KIAA1549: variants seen among roughly 807,000 people sequenced by gnomAD.
KIAA1549 encodes KIAA1549.
KIAA1549 carries 70 observed loss-of-function variants against 156.4 expected under a neutral mutation model. The observed-to-expected ratio is 0.45, with a 90% CI of 0.37 to 0.55. KIAA1549 has a LOEUF of 0.55. Ranked by LOEUF, KIAA1549 falls within the 20% of genes least tolerant of loss-of-function variation. The pLI, the probability that KIAA1549 is intolerant of heterozygous loss-of-function variation, is 0.00. For synonymous variants in KIAA1549, 1,103 were observed against 1,066.4 expected (o/e 1.03, Z -0.67); for missense variants, 2,428 against 2,540.9 (o/e 0.96, Z 0.96).
chr7:138,946,691 A>G (rs1813347248), intron 1 of KIAA1549, among the ~76,000 whole-genome samples: 1 of 152,064 alleles, frequency 6.6e-6, no homozygotes, highest in African/African-American at 2.4e-5. Flanking sequence ...AGGTGGGAGG[A>G]TCACTTGAAC....
At chr7:138,856,907 T>C (rs1321323515) in intron 16 of KIAA1549, among the ~76,000 whole-genome samples, 1 of 152,090 alleles carries the variant, frequency 6.6e-6, no homozygotes, top group Non-Finnish European at 1.5e-5. Context: ...CTCCCCAATA[T>C]GGGCAGGCAT....
intron 1 of KIAA1549, among the ~76,000 whole-genome samples, chr7:138,980,153 C>G (rs1164039270): frequency 2.0e-5 from 3 of 152,194 alleles, no homozygotes; most frequent in African/African-American, 7.2e-5. Flanking sequence ...TGTGCAGCAG[C>G]TCTCCACCCC....
chr7:138,878,387 A>C (rs948241861), intron 12 of KIAA1549, among the ~76,000 whole-genome samples: 18 of 152,392 alleles, frequency 1.2e-4, no homozygotes, highest in Middle Eastern at 3.4e-3. Flanking sequence ...GTTCATTTCT[A>C]GAATACAGTT....
rs571765694 is a variant in KIAA1549, at chr7:138,974,495, C to T, written c.187+6588G>A. The stretch of plus-strand genomic sequence containing the variant: ...TTGCCCAGACTGCAGTGCAGTGGCG[C>T]GATCTCAGCTCACCGCAACCTTTGC... On this transcript the variant is annotated intron_variant, in intron 1 of 19. Coordinates refer to ENST00000422774, the MANE Select transcript of KIAA1549 (RefSeq NM_001164665.2). Among the ~76,000 whole-genome samples the T allele has an allele frequency of 5.9e-5, 9 of 152,214 alleles. No homozygotes were observed. In the South Asian group the frequency reaches 1.2e-3, roughly 21 times the overall value.
At position 138,832,190 on chromosome 7, in the gene KIAA1549, C is replaced by CTTTTTTTTTTTTTTTTTTTTTTTT. The variant is rs1563039449; in HGVS notation, c.*5715_*5716insAAAAAAAAAAAAAAAAAAAAAAAA. On this transcript the variant is annotated 3_prime_UTR_variant, in exon 20 of 20. Transcript: ENST00000422774. ...TTCACCTCTGTCCCTTTTACCTATTCCTTTTTTTTTTTTTTTTTTTTCCAG... is the reference window on the plus strand; with the variant it reads ...TTCACCTCTGTCCCTTTTACCTATTCTTTTTTTTTTTTTTTTTTTTTTTTCTTTTTTTTTTTTTTTTTTTTCCAG... 1.8e-3 allele frequency: 308 copies of CTTTTTTTTTTTTTTTTTTTTTTTT among 169,944 alleles called. 21 individuals carry two copies. Among genetic ancestry groups the CTTTTTTTTTTTTTTTTTTTTTTTT allele is most frequent in the South Asian group, 4.3e-3 (18 of 4,150 alleles). 10.5% of individuals were successfully genotyped at this position (169,944 alleles called of 1,614,324 possible). A position where few individuals can be genotyped will look rare whatever the true frequency, so the allele number is the denominator to read the frequency against.
chr7:138,918,818 CA>C lies in KIAA1549; in HGVS notation c.807del (p.Ile269MetfsTer5). On this transcript the variant is annotated frameshift_variant, in exon 2 of 20. Coordinates refer to ENST00000422774, the MANE Select transcript of KIAA1549 (RefSeq NM_001164665.2). LOFTEE classifies it high-confidence loss of function. The surrounding 1 kb of genome is among the most constrained non-coding windows in gnomAD (Gnocchi z 4.2). Reference sequence around the variant, plus strand: ...TCCACACCCTCTGTTAGGGAAGCCACAATCTCTGGCAGAGTCCTGCTTGATA... The same window carrying C: ...TCCACACCCTCTGTTAGGGAAGCCACATCTCTGGCAGAGTCCTGCTTGATA... ...SHLSSRTLPE[I>X]VASLTEGVET... 3 of 1,614,020 alleles carry C rather than the reference CA, an allele frequency of 1.9e-6. No homozygotes were observed. Among genetic ancestry groups the C allele is most frequent in the Non-Finnish European group, 2.5e-6 (3 of 1,179,904 alleles).
At chr7:138,970,480 C>T (rs1432975903) in intron 1 of KIAA1549, among the ~76,000 whole-genome samples, 1 of 152,200 alleles carries the variant, frequency 6.6e-6, no homozygotes, top group Non-Finnish European at 1.5e-5. Context: ...TTTTTATGCG[C>T]TATGGACTCT....
intron 1 of KIAA1549, among the ~76,000 whole-genome samples, chr7:138,977,980 G>A (rs142758699): frequency 5.6e-4 from 85 of 152,276 alleles, no homozygotes; most frequent in African/African-American, 1.9e-3. Context: ...GATTACAGGC[G>A]TGAGCCAGCG....
chr7:138,955,291 G>C (rs1813628466), intron 1 of KIAA1549, among the ~76,000 whole-genome samples: 1 of 152,146 alleles, frequency 6.6e-6, no homozygotes, highest in African/African-American at 2.4e-5. Context: ...ACACACAATG[G>C]AATATCACTC....
At chr7:138,909,991 T>C (rs945541342) in intron 4 of KIAA1549, among the ~76,000 whole-genome samples, 1 of 152,076 alleles carries the variant, frequency 6.6e-6, no homozygotes, top group African/African-American at 2.4e-5. Flanking sequence ...TTCATATACA[T>C]GTTTAAAGTC....
intron 6 of KIAA1549, among the ~76,000 whole-genome samples, 161 bp downstream of exon 6, chr7:138,906,758 T>C (rs1169637438): frequency 6.6e-6 from 1 of 151,976 alleles, no homozygotes; most frequent in Non-Finnish European, 1.5e-5. Context: ...ACTAAATAAC[T>C]TACTCGTGCA....
Position 138,965,244 on chromosome 7 carries a change from G to C in KIAA1549, c.187+15839C>G, listed in dbSNP as rs181708076. Among the ~76,000 whole-genome samples, 6 of 152,014 alleles carry C rather than the reference G, an allele frequency of 3.9e-5. 1 individual carries two copies. The highest frequency in any genetic ancestry group is 1.3e-4 in the Admixed American group (2 of 15,260). Reference sequence around the variant, plus strand: ...TGAGATGAGAAAGTTCTAGGCAGAGGGAACAGCAAGTACAAATGATTGCAA... The same window carrying C: ...TGAGATGAGAAAGTTCTAGGCAGAGCGAACAGCAAGTACAAATGATTGCAA... On this transcript the variant is annotated intron_variant, in intron 1 of 19. Transcript: ENST00000422774.
chr7:138,870,450 T>A (rs1810893960), intron 13 of KIAA1549, among the ~76,000 whole-genome samples: 1 of 152,178 alleles, frequency 6.6e-6, no homozygotes, highest in Non-Finnish European at 1.5e-5. Flanking sequence ...AGATCTTTAA[T>A]AAATAGGACT....
chr7:138,938,389 C>T (rs910366696), intron 1 of KIAA1549, among the ~76,000 whole-genome samples: 1 of 152,188 alleles, frequency 6.6e-6, no homozygotes, highest in Non-Finnish European at 1.5e-5. Flanking sequence ...ACATATTATT[C>T]ATTCTCATCC....
At position 138,917,542 on chromosome 7, in the gene KIAA1549, T is replaced by A. The variant is rs1482837099; in HGVS notation, c.2084A>T (p.Gln695Leu). The A allele has an allele frequency of 6.2e-7, 1 of 1,613,810 alleles. No homozygotes were observed. Among genetic ancestry groups the A allele is most frequent in the East Asian group, 2.2e-5 (1 of 44,872 alleles). The change falls in exon 2 of 20, where the codon CAG becomes CTG. Residue 695 changes from glutamine to leucine, a missense_variant. Physicochemically the swap from Gln to Leu is moderately radical, Grantham distance 113. Coordinates refer to ENST00000422774, the MANE Select transcript of KIAA1549 (RefSeq NM_001164665.2). ...AGGCAGCTCGGAACTTGGCTGGAGCTGCGAAAACTCAAGATTTGTGGAACT... is the reference window on the plus strand; with the variant it reads ...AGGCAGCTCGGAACTTGGCTGGAGCAGCGAAAACTCAAGATTTGTGGAACT... ...LPSSTNLEFS[Q>L]LQPSSELPLN...
chr7:138,939,859 T>C (rs1307333838), intron 1 of KIAA1549, among the ~76,000 whole-genome samples: 1 of 152,098 alleles, frequency 6.6e-6, no homozygotes, highest in East Asian at 1.9e-4. Flanking sequence ...TAATTAAAGA[T>C]ATTCCAGCCG....
At position 138,852,247 on chromosome 7, in the gene KIAA1549, G is replaced by A. The variant is rs1350353906; in HGVS notation, c.5270C>T (p.Thr1757Ile). The stretch of plus-strand genomic sequence containing the variant: ...CCTTGGCAATGGACCCGTCGGGGGA[G>A]TCATTCCATAGTCTTCGTATCTCTG... ...PCSRYEDYGM[T>I]PPTGPLPRPG... Residue 1757 changes from threonine (T) to isoleucine (I), a missense_variant, in exon 17 of 20, where the codon ACT (threonine) becomes ATT (isoleucine). Physicochemically the swap from Thr to Ile is moderately conservative, Grantham distance 89. Coordinates refer to ENST00000422774, the MANE Select transcript of KIAA1549 (RefSeq NM_001164665.2). 4 of 1,610,278 alleles carry A rather than the reference G, an allele frequency of 2.5e-6. No individual in the cohort carries two copies. Among genetic ancestry groups the A allele is most frequent in the Non-Finnish European group, 3.4e-6 (4 of 1,177,284 alleles).
In KIAA1549 at chr7:138,899,087, G is replaced by A; in HGVS notation, c.3715C>T (p.Leu1239Phe). ...TCTTGATCCTCCACAAAGTAGATGA[G>A]CTGTACCGGATTGTCATCTCCCTCC... ...RLEGDDNPVQ[L>F]IYFVEDQDGE... The change falls in exon 9 of 20, where the codon CTC becomes TTC. Residue 1239 changes from leucine to phenylalanine, a missense_variant. Leu to Phe is a conservative substitution (Grantham distance 22). This residue lies in a region of KIAA1549 where 762 missense variants were observed against 901.6 expected (regional missense o/e 0.85). Coordinates refer to ENST00000422774, the MANE Select transcript of KIAA1549 (RefSeq NM_001164665.2). 2 of 1,613,770 alleles carry A rather than the reference G, an allele frequency of 1.2e-6. No homozygotes were observed. Among genetic ancestry groups the A allele is most frequent in the South Asian group, 1.1e-5 (1 of 91,078 alleles).
Position 138,881,537 on chromosome 7 carries a change from C to A in KIAA1549, c.4080G>T (p.Leu1360=). Residue 1360 remains leucine (L), a synonymous_variant, in exon 11 of 20, where the codon CTG becomes CTT. Coordinates refer to ENST00000422774, the MANE Select transcript of KIAA1549 (RefSeq NM_001164665.2). The part of the protein sequence containing the change: ...VKGFDFAKQH[L]GQHNKDDILI... ...ATATGTCGTCTTTATTGTGCTGACC[C>A]AGATGCTGCTTAGCAAAATCGAAGC... 1 of 1,613,948 alleles carries A rather than the reference C, an allele frequency of 6.2e-7. No individual in the cohort carries two copies. The highest frequency in any genetic ancestry group is 8.5e-7 in the Non-Finnish European group (1 of 1,179,876).
Sources: gnomAD v4.1 joint callset for allele counts (sites outside exome capture counted in the v4.1 genomes callset) on GRCh38, gnomAD v4.1.1 for gene constraint, gnomAD v4.1.1 regional missense constraint, Gnocchi (gnomAD v3.1) non-coding constraint, MANE v1.5 for transcripts, NCBI Gene and HGNC (gene_info 2026-07-23, HGNC 2026-07-21) for gene names.